The following CYP7B1 variants were observed in gnomAD, a reference collection of about 807,000 sequenced individuals.
CYP7B1 encodes the protein cytochrome P450 7B1.
In CYP7B1, 29 loss-of-function variants were observed where a neutral mutation model predicts 42.7. The ratio of observed to expected loss-of-function variants is 0.68; its 90% CI spans 0.51 to 0.93. The LOEUF is 0.93. CYP7B1 is among the 40% of genes least tolerant of loss of function. The pLI is 0.00. For missense variants in CYP7B1, 655 were observed against 600.5 expected, an observed-to-expected ratio of 1.09 and a Z score of -0.95; for synonymous variants, 235 against 218.2, an observed-to-expected ratio of 1.08 and a Z score of -0.68.
At chr8:64,795,800 C>A (rs1349106348) in intron 1 of CYP7B1, among the ~76,000 whole-genome samples, 1 of 152,168 alleles carries the variant, frequency 6.6e-6, no homozygotes, top group Admixed American at 6.5e-5. Flanking sequence ...TCTCTCCTGA[C>A]AAGTACTGCA....
chr8:64,660,958 T>C (rs1806190894), intron 1 of CYP7B1, among the ~76,000 whole-genome samples: 1 of 152,274 alleles, frequency 6.6e-6, no homozygotes, highest in East Asian at 1.9e-4. Context: ...ACCTGGAAAG[T>C]ATAGTAAGAA....
At chr8:64,731,366 G>A (rs1807406218) in intron 1 of CYP7B1, among the ~76,000 whole-genome samples, 1 of 152,178 alleles carries the variant, frequency 6.6e-6, no homozygotes, top group East Asian at 1.9e-4. Flanking sequence ...GTTGGGAACT[G>A]TAACAAAGGT....
At chr8:64,681,740 G>C (rs1056290034) in intron 1 of CYP7B1, among the ~76,000 whole-genome samples, 3 of 152,168 alleles carry the variant, frequency 2.0e-5, no homozygotes, top group African/African-American at 7.2e-5. Context: ...TGAGTTTTGA[G>C]ATGGCTGCAG....
At chr8:64,722,761 A>T (rs977110115) in intron 1 of CYP7B1, among the ~76,000 whole-genome samples, 6 of 13,704 alleles carry the variant, frequency 4.4e-4, no homozygotes, top group African/African-American at 5.4e-4. Context: ...GGGGGGCGGG[A>T]GGTTTTTTTT....
rs1585795567 is a variant in CYP7B1 at position 64,596,511 on chromosome 8, T to C, written c.*131A>G. On this transcript the variant is annotated 3_prime_UTR_variant, in exon 6 of 6. Coordinates refer to ENST00000310193, the MANE Select transcript of CYP7B1 (RefSeq NM_004820.5). Reference sequence around the variant, plus strand: ...TGACTAAGGACAAACTGGACTGATATCAGATCAAATAGAAATTAGCGCTTT... The same window carrying C: ...TGACTAAGGACAAACTGGACTGATACCAGATCAAATAGAAATTAGCGCTTT... The C allele has an allele frequency of 2.2e-6, 2 of 919,228 alleles. No individual in the cohort carries two copies. Among genetic ancestry groups the C allele is most frequent in the East Asian group, 2.7e-5 (1 of 37,582 alleles). 56.9% of individuals were successfully genotyped at this position (919,228 alleles called of 1,614,324 possible). A position where few individuals can be genotyped will look rare whatever the true frequency, so the allele number is the denominator to read the frequency against.
At chr8:64,760,891 T>G (rs1807879079) in intron 1 of CYP7B1, among the ~76,000 whole-genome samples, 1 of 152,132 alleles carries the variant, frequency 6.6e-6, no homozygotes, top group South Asian at 2.1e-4. Context: ...TCAAAAGATA[T>G]CTGCACTCCA....
chr8:64,741,596 G>C (rs1334984323), intron 1 of CYP7B1, among the ~76,000 whole-genome samples: 1 of 152,178 alleles, frequency 6.6e-6, no homozygotes, highest in Non-Finnish European at 1.5e-5. Context: ...GGGATTACAG[G>C]CATGAGCCAT....
intron 1 of CYP7B1, among the ~76,000 whole-genome samples, chr8:64,705,160 C>G (rs954313627): frequency 2.0e-5 from 3 of 151,764 alleles, no homozygotes; most frequent in Non-Finnish European, 4.4e-5. Context: ...TGTATCTTAT[C>G]ACTCTGATAT....
At position 64,593,869 on chromosome 8, in the gene CYP7B1, A is replaced by G; in HGVS notation, c.*2773T>C. 6.6e-6 allele frequency among the ~76,000 whole-genome samples: 1 copy of G among 152,330 alleles called. No individual in the cohort carries two copies. The highest frequency in any genetic ancestry group is 1.9e-4 in the East Asian group (1 of 5,186). On this transcript the variant is annotated 3_prime_UTR_variant, in exon 6 of 6. Transcript: ENST00000310193. ...AAAGGTACAAGATATTATAAAAAAT[A>G]AGCAGCATATATGAAGAACAAAAGG...
intron 1 of CYP7B1, among the ~76,000 whole-genome samples, chr8:64,747,437 T>G (rs1807660637): frequency 6.6e-6 from 1 of 151,346 alleles, no homozygotes; most frequent in African/African-American, 2.4e-5. Flanking sequence ...TAGCATACTG[T>G]TGACCAAAAG....
chr8:64,715,757 C>T (rs1807145695), intron 1 of CYP7B1, among the ~76,000 whole-genome samples: 1 of 152,296 alleles, frequency 6.6e-6, no homozygotes, highest in South Asian at 2.1e-4. Flanking sequence ...AAGACCTCTA[C>T]AGCATAGTAA....
intron 1 of CYP7B1, among the ~76,000 whole-genome samples, chr8:64,696,181 A>T (rs1806825681): frequency 6.6e-6 from 1 of 152,138 alleles, no homozygotes; most frequent in Admixed American, 6.5e-5. Context: ...AGCAGGTATG[A>T]GGTTATCATA....
At chr8:64,628,864 A>G (rs1349741632) in intron 1 of CYP7B1, among the ~76,000 whole-genome samples, 5 of 152,140 alleles carry the variant, frequency 3.3e-5, no homozygotes, top group African/African-American at 1.2e-4. Context: ...TTCATGCTAT[A>G]CCTGTAGTTA....
chr8:64,686,502 T>TG (rs1390575777), intron 1 of CYP7B1, among the ~76,000 whole-genome samples: 5 of 33,516 alleles, frequency 1.5e-4, no homozygotes, highest in East Asian at 1.0e-3. Context: ...GGGAGGGAGG[T>TG]GGGGGGGGTC....
intron 1 of CYP7B1, among the ~76,000 whole-genome samples, chr8:64,675,239 T>C (rs1157243004): frequency 6.6e-6 from 1 of 152,050 alleles, no homozygotes; most frequent in Non-Finnish European, 1.5e-5. Context: ...GTCCTTCTAC[T>C]AGGTCCTTCA....
At chr8:64,657,900 T>C (rs1338940674) in intron 1 of CYP7B1, among the ~76,000 whole-genome samples, 5 of 152,192 alleles carry the variant, frequency 3.3e-5, no homozygotes, top group Non-Finnish European at 7.3e-5. Context: ...AATGGTGATT[T>C]ACAAACAACA....
rs187475903 is a variant in CYP7B1 at position 64,690,620 on chromosome 8, T to A, written c.123-66081A>T. 1.4e-4 allele frequency among the ~76,000 whole-genome samples: 22 copies of A among 152,316 alleles called. No homozygotes were observed. The East Asian group carries it at 3.3e-3, about 23-fold the overall frequency. ...AACTTATGTATTATTCTTTTTCAAA[T>A]TTGATGGAATAACCAGCATTTTCAG... On this transcript the variant is annotated intron_variant, in intron 1 of 5. Transcript: ENST00000310193.
chr8:64,664,519 TG>T (rs902743426), intron 1 of CYP7B1, among the ~76,000 whole-genome samples: 8 of 152,272 alleles, frequency 5.3e-5, no homozygotes, highest in African/African-American at 1.7e-4. Flanking sequence ...GTAAGACACT[TG>T]TCTCTCATTA....
chr8:64,713,302 AT>A (rs2129632704), intron 1 of CYP7B1, among the ~76,000 whole-genome samples: 1 of 152,268 alleles, frequency 6.6e-6, no homozygotes, highest in Admixed American at 6.5e-5. Flanking sequence ...ATCCCAAACC[AT>A]AAAATTCTCA....
Sources: allele counts gnomAD v4.1 joint callset (sites outside exome capture counted in the v4.1 genomes callset), GRCh38; gene constraint gnomAD v4.1.1; transcripts MANE v1.5; gene names NCBI Gene and HGNC (gene_info 2026-07-23, HGNC 2026-07-21).